Variants in SGSM2 observed in about 807,000 individuals in gnomAD.
The protein encoded by SGSM2 is small G protein signaling modulator 2.
SGSM2 carries 89 observed loss-of-function variants against 126.6 expected under a neutral mutation model. That is an observed-to-expected ratio of 0.70 (90% CI 0.59 to 0.84). SGSM2 has a LOEUF of 0.84. SGSM2 is among the 40% of genes least tolerant of loss of function. The probability of loss-of-function intolerance (pLI) is 0.00; values close to 1 mark genes in which losing one functional copy is unlikely to be tolerated. For missense variants in SGSM2, 1,404 were observed against 1,416.6 expected (o/e 0.99, Z 0.14); for synonymous variants, 614 against 574.3 (o/e 1.07, Z -0.99).
chr17:2,343,680 G>A, intron 2 of SGSM2, 60 bp downstream of exon 2: 1 of 1,507,674 alleles, frequency 6.6e-7, no homozygotes, highest in Non-Finnish European at 9.2e-7. Context: ...ACTGGCCTGG[G>A]GCCAGGAAAA....
chr17:2,363,734 C>T lies in SGSM2; in HGVS notation c.807+135C>T, dbSNP rs1046036654. The T allele has an allele frequency of 3.1e-6, 4 of 1,304,786 alleles. No homozygotes were observed. In the African/African-American group the frequency reaches 5.9e-5, roughly 19 times the overall value. The allele number at this position is 1,304,786 out of a possible 1,614,324, so 80.8% of individuals were successfully genotyped here. A position where few individuals can be genotyped will look rare whatever the true frequency, so the allele number is the denominator to read the frequency against. ...GGAGAATGGCCCCAGCCTCCCAACT[C>T]CCTGTTTCACACGACTCACGCCCAG... On this transcript the variant is annotated intron_variant, in intron 7 of 23. Transcript: ENST00000268989. The surrounding 1 kb of genome is among the most constrained non-coding windows in gnomAD (Gnocchi z 4.2).
chr17:2,365,006 G>T lies in SGSM2; in HGVS notation c.1110G>T (p.Gly370=). 6.2e-7 allele frequency: 1 copy of T among 1,613,632 alleles called. No homozygotes were observed. The change falls in exon 10 of 24, where the codon GGG becomes GGT. Residue 370 remains glycine (G), a synonymous_variant. Coordinates refer to ENST00000268989, the MANE Select transcript of SGSM2 (RefSeq NM_014853.3). ...CCTTTCTGTCCTGTCTGGAGAATGG[G>T]CTGCTGCCTCGGGGACAGCTAGAGC... ...LLSFLSCLEN[G]LLPRGQLEPP...
Position 2,372,356 on chromosome 17 carries a change from C to T in SGSM2, c.1656C>T (p.Cys552=). The T allele has an allele frequency of 6.3e-7, 1 of 1,592,902 alleles. No homozygotes were observed. Among genetic ancestry groups the T allele is most frequent in the African/African-American group, 1.3e-5 (1 of 74,654 alleles). Residue 552 remains cysteine, a synonymous_variant, in exon 15 of 24, where the codon TGC becomes TGT. Coordinates refer to ENST00000268989, the MANE Select transcript of SGSM2 (RefSeq NM_014853.3). This position sits in a 1 kb window ranked among gnomAD's most constrained non-coding sequence, Gnocchi z 6.0. ...SRAFYGWLAH[C]RHLSTVRTHL... Reference sequence around the variant, plus strand: ...TGCCCACCGCAGGGCTGGCACACTGCCGCCACCTGTCCACGGTGCGGACCC... The same window carrying T: ...TGCCCACCGCAGGGCTGGCACACTGTCGCCACCTGTCCACGGTGCGGACCC...
chr17:2,365,295 C>T lies in SGSM2; in HGVS notation c.1242C>T (p.Thr414=), dbSNP rs554686899. ...DMEEMGTGRA[T]DYVFRIIYPG... is the part of the protein sequence containing the mutation. ...AGGAGATGGGCACGGGGCGGGCCACCGACTATGTGTTCCGGATCATCTACC... is the reference window on the plus strand; with the variant it reads ...AGGAGATGGGCACGGGGCGGGCCACTGACTATGTGTTCCGGATCATCTACC... Residue 414 remains threonine (T), a synonymous_variant, in exon 11 of 24, where the codon ACC becomes ACT. Transcript: ENST00000268989. 38 of 1,589,446 alleles carry T rather than the reference C, an allele frequency of 2.4e-5. No homozygotes were observed. Among genetic ancestry groups the T allele is most frequent in the Admixed American group, 1.2e-4 (7 of 56,034 alleles).
chr17:2,372,994 A>C lies in SGSM2; in HGVS notation c.1830A>C (p.Gly610=). ...ELELLRQVYY[G]GIEHEIRKDV... is the part of the protein sequence containing the mutation. The stretch of plus-strand genomic sequence containing the variant: ...AGCTGCTGCGGCAAGTTTACTACGG[A>C]GGCATAGAGCACGAGATCCGCAAGG... Residue 610 remains glycine (G), a synonymous_variant, in exon 16 of 24, where the codon GGA becomes GGC. Coordinates refer to ENST00000268989, the MANE Select transcript of SGSM2 (RefSeq NM_014853.3). This position sits in a 1 kb window ranked among gnomAD's most constrained non-coding sequence, Gnocchi z 6.0. 6.3e-7 allele frequency: 1 copy of C among 1,589,082 alleles called. No individual in the cohort carries two copies. The highest frequency in any genetic ancestry group is 2.3e-5 in the East Asian group (1 of 43,760).
chr17:2,349,373 T>TAA (rs11374532), intron 2 of SGSM2, among the ~76,000 whole-genome samples: 28 of 148,084 alleles, frequency 1.9e-4, no homozygotes, highest in African/African-American at 3.0e-4. Context: ...AGACTTGGTC[T>TAA]AAAAAAAAAA....
At position 2,379,975 on chromosome 17, in the gene SGSM2, T is replaced by A. The variant is rs541091282; in HGVS notation, c.*455T>A. On this transcript the variant is annotated 3_prime_UTR_variant, in exon 24 of 24. Coordinates refer to ENST00000268989, the MANE Select transcript of SGSM2 (RefSeq NM_014853.3). ...GTCCCTTTGCAGTCCCAGTATATTGTGCGTGCACCAGCCCCAGCTGGAGCA... is the reference window on the plus strand; with the variant it reads ...GTCCCTTTGCAGTCCCAGTATATTGAGCGTGCACCAGCCCCAGCTGGAGCA... 65 of 1,374,180 alleles carry A rather than the reference T, an allele frequency of 4.7e-5. 1 individual carries two copies. The South Asian group carries it at 1.1e-3, about 22-fold the overall frequency. The allele number at this position is 1,374,180 out of a possible 1,614,324, so 85.1% of individuals were successfully genotyped here. A position where few individuals can be genotyped will look rare whatever the true frequency, so the allele number is the denominator to read the frequency against.
intron 21 of SGSM2, 23 bp downstream of exon 21, chr17:2,377,091 G>C: frequency 6.6e-7 from 1 of 1,521,122 alleles, no homozygotes; most frequent in African/African-American, 1.4e-5. Flanking sequence ...GCCACCCATG[G>C]GCATGGGAGC....
intron 2 of SGSM2, among the ~76,000 whole-genome samples, chr17:2,351,861 T>G (rs2064869199): frequency 6.6e-6 from 1 of 152,196 alleles, no homozygotes; most frequent in Non-Finnish European, 1.5e-5. Context: ...AATGTTGCTT[T>G]CTTGTTTTGG....
chr17:2,344,005 G>A (rs1275047057), intron 2 of SGSM2, among the ~76,000 whole-genome samples: 1 of 152,196 alleles, frequency 6.6e-6, no homozygotes, highest in Admixed American at 6.5e-5. Context: ...TGCTCTGACT[G>A]ATTTTGATTT....
intron 2 of SGSM2, among the ~76,000 whole-genome samples, chr17:2,346,826 C>T (rs138880029): frequency 1.5e-4 from 23 of 152,164 alleles, no homozygotes; most frequent in African/African-American, 5.3e-4. Context: ...TGGTGACTCA[C>T]ACCTGCAATC....
rs1349637590 is a variant in SGSM2, at chr17:2,367,214, G to A, written c.1289-57G>A. On this transcript the variant is annotated intron_variant, in intron 11 of 23. Coordinates refer to ENST00000268989, the MANE Select transcript of SGSM2 (RefSeq NM_014853.3). This position sits in a 1 kb window ranked among gnomAD's most constrained non-coding sequence, Gnocchi z 4.0. ...TCCACTCCCCTTAAGGAGGGAGTCC[G>A]TCCTGCCCAGGGATGAGGGCCTCAT... The A allele has an allele frequency of 2.2e-5, 35 of 1,560,302 alleles. No homozygotes were observed. The highest frequency in any genetic ancestry group is 1.1e-4 in the Admixed American group (6 of 56,074).
Position 2,363,643 on chromosome 17 carries a change from A to G in SGSM2, c.807+44A>G, listed in dbSNP as rs1333219190. The G allele has an allele frequency of 1.2e-6, 2 of 1,603,086 alleles. No homozygotes were observed. Among genetic ancestry groups the G allele is most frequent in the Non-Finnish European group, 1.7e-6 (2 of 1,172,684 alleles). Reference sequence around the variant, plus strand: ...GCCATCCCTCCCCGAAGGTCCCCGAACGAGACGACTGGAAGCCTCTAGCCA... The same window carrying G: ...GCCATCCCTCCCCGAAGGTCCCCGAGCGAGACGACTGGAAGCCTCTAGCCA... On this transcript the variant is annotated intron_variant, in intron 7 of 23. Transcript: ENST00000268989. This position sits in a 1 kb window ranked among gnomAD's most constrained non-coding sequence, Gnocchi z 4.2.
rs774824687 is a variant in SGSM2, at chr17:2,375,694, T to G, written c.2303T>G (p.Leu768Arg). 2.0e-5 allele frequency: 32 copies of G among 1,613,328 alleles called. No individual in the cohort carries two copies. Among genetic ancestry groups the G allele is most frequent in the Non-Finnish European group, 2.7e-5 (32 of 1,179,640 alleles). The change falls in exon 18 of 24, where the codon CTA (leucine) becomes CGA (arginine). Residue 768 changes from leucine (L) to arginine (R), a missense_variant. Physicochemically the swap from Leu to Arg is moderately radical, Grantham distance 102. Transcript: ENST00000268989. ...GTGGCCTCGGGCATCCAGTCAAGCC[T>G]AGATGAGGGGCAGAGCGTGGGCTTC... ...YSVASGIQSS[L>R]DEGQSVGFEE...
Position 2,372,268 on chromosome 17 carries a change from G to A in SGSM2, c.1642+14G>A, listed in dbSNP as rs763886492. ...CCTTCTACGGCTGTGAGTGTGGGGC[G>A]CGCCGGGCTGTGGCGGGCTGGGGGC... On this transcript the variant is annotated intron_variant, in intron 14 of 23. Transcript: ENST00000268989. This position sits in a 1 kb window ranked among gnomAD's most constrained non-coding sequence, Gnocchi z 6.0. 1.4e-5 allele frequency: 22 copies of A among 1,612,596 alleles called. No individual in the cohort carries two copies. The highest frequency in any genetic ancestry group is 1.8e-5 in the Non-Finnish European group (21 of 1,179,518).
Position 2,363,773 on chromosome 17 carries a change from G to T in SGSM2, c.807+174G>T. ...ACTCACGCCCAGCCTTTAGTTGGCA[G>T]GGGACAGGAATGGCAGCCAGCAGGC... On this transcript the variant is annotated intron_variant, in intron 7 of 23. Transcript: ENST00000268989. The surrounding 1 kb of genome is among the most constrained non-coding windows in gnomAD (Gnocchi z 4.2). 1 of 1,065,710 alleles carries T rather than the reference G, an allele frequency of 9.4e-7. No homozygotes were observed. 66.0% of individuals were successfully genotyped at this position (1,065,710 alleles called of 1,614,324 possible). A position where few individuals can be genotyped will look rare whatever the true frequency, so the allele number is the denominator to read the frequency against.
intron 17 of SGSM2, chr17:2,375,239 C>T: frequency 2.5e-6 from 1 of 401,910 alleles, no homozygotes; most frequent in East Asian, 4.1e-5. Context: ...TCAGTAGCCA[C>T]AGGAAGACCT....
intron 2 of SGSM2, 34 bp downstream of exon 2, chr17:2,343,654 G>A (rs373392899): frequency 1.1e-5 from 18 of 1,599,646 alleles, no homozygotes; most frequent in South Asian, 9.9e-5. Context: ...TGGGAGGTCG[G>A]TCTAGAGCCG....
chr17:2,374,158 G>C (rs1056016707), intron 17 of SGSM2: 5 of 152,212 alleles, frequency 3.3e-5, no homozygotes, highest in African/African-American at 1.2e-4. Context: ...AACCAACACT[G>C]ATAAGTTTCA....
Sources: gnomAD v4.1 joint callset for allele counts (sites outside exome capture counted in the v4.1 genomes callset) on GRCh38, gnomAD v4.1.1 for gene constraint, Gnocchi (gnomAD v3.1) non-coding constraint, MANE v1.5 for transcripts, NCBI Gene and HGNC (gene_info 2026-07-23, HGNC 2026-07-21) for gene names.